Variants in STIM2 observed in about 807,000 individuals in gnomAD.
STIM2 encodes the protein stromal interaction molecule 2.
In STIM2, 31 loss-of-function variants were observed where a neutral mutation model predicts 85.8. The ratio of observed to expected loss-of-function variants is 0.36; its 90% confidence interval spans 0.27 to 0.49. The LOEUF is 0.49. Ranked by LOEUF, STIM2 falls within the 20% of genes least tolerant of loss-of-function variation. The pLI, the probability that STIM2 is intolerant of heterozygous loss-of-function variation, is 0.98. For missense variants in STIM2, 841 were observed against 927.6 expected, an observed-to-expected ratio of 0.91 and a Z score of 1.21; for synonymous variants, 356 against 331.1, an observed-to-expected ratio of 1.08 and a Z score of -0.82.
intron 3 of STIM2, among the ~76,000 whole-genome samples, chr4:26,986,729 G>C (rs900153015): frequency 1.3e-5 from 2 of 152,180 alleles, no homozygotes; most frequent in Admixed American, 1.3e-4. Flanking sequence ...GGATTCACCA[G>C]TGCTGCTTTA....
At chr4:26,933,018 A>G (rs1198192866) in intron 2 of STIM2, among the ~76,000 whole-genome samples, 1 of 152,196 alleles carries the variant, frequency 6.6e-6, no homozygotes, top group Non-Finnish European at 1.5e-5. Context: ...TAATGCTGGT[A>G]TGATCTGTGG....
chr4:26,931,417 G>A (rs1725201278), intron 2 of STIM2, among the ~76,000 whole-genome samples: 1 of 151,982 alleles, frequency 6.6e-6, no homozygotes, highest in Admixed American at 6.6e-5. Flanking sequence ...AATATTTGAT[G>A]GGAGATTCTC....
chr4:26,920,175 C>T (rs1413094201), intron 2 of STIM2, among the ~76,000 whole-genome samples: 2 of 152,128 alleles, frequency 1.3e-5, no homozygotes, highest in Non-Finnish European at 2.9e-5. Context: ...TATTACAGCA[C>T]GGCAGCTAGT....
intron 7 of STIM2, among the ~76,000 whole-genome samples, chr4:27,004,939 T>TTTA (rs1425168805): frequency 6.6e-6 from 1 of 152,236 alleles, no homozygotes; most frequent in African/African-American, 2.4e-5. Context: ...GGTATTATCT[T>TTTA]CATTTACAAA....
At chr4:26,966,852 A>G (rs761914962) in intron 3 of STIM2, among the ~76,000 whole-genome samples, 2 of 152,170 alleles carry the variant, frequency 1.3e-5, no homozygotes, top group Non-Finnish European at 2.9e-5. Context: ...AGAATAGAAC[A>G]AATAAAGCTT....
chr4:26,918,647 C>A (rs544135000), intron 1 of STIM2, among the ~76,000 whole-genome samples: 5 of 152,292 alleles, frequency 3.3e-5, no homozygotes, highest in African/African-American at 1.2e-4. Flanking sequence ...GTCCGCCAGT[C>A]AGCCAGACTG....
At chr4:27,011,088 A>C (rs114956606) in intron 10 of STIM2, among the ~76,000 whole-genome samples, 2,047 of 152,316 alleles carry the variant, frequency 0.013, 22 homozygotes, top group Non-Finnish European at 0.023. Context: ...AACTATTACA[A>C]ATACACTTAA....
At chr4:26,945,548 C>T (rs974831522) in intron 2 of STIM2, among the ~76,000 whole-genome samples, 5 of 152,192 alleles carry the variant, frequency 3.3e-5, no homozygotes, top group Non-Finnish European at 5.9e-5. Flanking sequence ...AATGGTTGAA[C>T]TAATTTACAC....
At chr4:26,916,570 A>T (rs1217292611) in intron 1 of STIM2, among the ~76,000 whole-genome samples, 1 of 152,186 alleles carries the variant, frequency 6.6e-6, no homozygotes, top group Non-Finnish European at 1.5e-5. Flanking sequence ...GAAATCCATT[A>T]ATAGCTTCTC....
chr4:26,895,000 C>T (rs1185151721), intron 1 of STIM2, among the ~76,000 whole-genome samples: 1 of 152,142 alleles, frequency 6.6e-6, no homozygotes, highest in Non-Finnish European at 1.5e-5. Flanking sequence ...TCACCTGAGG[C>T]CAGGAATTTG....
At chr4:27,022,431 A>C in intron 11 of STIM2, 88 bp from the exon 12 acceptor site, 1 of 1,085,202 alleles carries the variant, frequency 9.2e-7, no homozygotes, top group Non-Finnish European at 1.3e-6. Context: ...TTCAAAAAGC[A>C]ATGAAAGTTG....
intron 3 of STIM2, among the ~76,000 whole-genome samples, chr4:26,992,549 G>T (rs1727804377): frequency 6.6e-6 from 1 of 151,966 alleles, no homozygotes; most frequent in African/African-American, 2.4e-5. Flanking sequence ...GAAAAAAAAG[G>T]TTATATAGTA....
chr4:26,970,627 C>T (rs1726910476), intron 3 of STIM2, among the ~76,000 whole-genome samples: 1 of 152,154 alleles, frequency 6.6e-6, no homozygotes, highest in Admixed American at 6.5e-5. Flanking sequence ...GCCACATTTT[C>T]TTAATTCAGT....
chr4:27,020,807 C>G lies in STIM2; in HGVS notation c.1764-1712C>G, dbSNP rs76196360. Among the ~76,000 whole-genome samples, 4 of 152,246 alleles carry G rather than the reference C, an allele frequency of 2.6e-5. No individual in the cohort carries two copies. In the East Asian group the frequency reaches 7.7e-4, roughly 29 times the overall value. ...TCCTTGCTATGAGAGGTGCATTTGC[C>G]TATAACATGAGCTGCCAAGACAAGT... On this transcript the variant is annotated intron_variant, in intron 11 of 11. Coordinates refer to ENST00000467087, the MANE Select transcript of STIM2 (RefSeq NM_020860.4).
intron 3 of STIM2, among the ~76,000 whole-genome samples, chr4:26,986,230 G>C (rs774158650): frequency 3.3e-5 from 5 of 152,178 alleles, no homozygotes; most frequent in Non-Finnish European, 7.4e-5. Context: ...GCATGTAGCA[G>C]AGTTTCTGGA....
intron 1 of STIM2, among the ~76,000 whole-genome samples, chr4:26,914,251 T>C (rs1724450484): frequency 6.6e-6 from 1 of 152,226 alleles, no homozygotes; most frequent in Admixed American, 6.5e-5. Flanking sequence ...AAGTGAAATG[T>C]GTAACACTTA....
At chr4:26,910,730 A>G (rs902625486) in intron 1 of STIM2, among the ~76,000 whole-genome samples, 1 of 152,188 alleles carries the variant, frequency 6.6e-6, no homozygotes. Flanking sequence ...TTGCATATTA[A>G]TAAGACAGTT....
chr4:27,008,033 G>T, intron 8 of STIM2: 1 of 715,334 alleles, frequency 1.4e-6, no homozygotes, highest in South Asian at 1.5e-5. Context: ...AATTAACTTT[G>T]ACACTTAAAT....
Position 27,023,875 on chromosome 4 carries a change from A to G in STIM2, c.*879A>G, listed in dbSNP as rs10263. The G allele has an allele frequency of 0.1, 15,491 of 152,668 alleles. 971 individuals are homozygous for G. Among genetic ancestry groups the G allele is most frequent in the East Asian group, 0.33 (1,710 of 5,168 alleles). The allele number at this position is 152,668 out of a possible 1,614,324, so 9.5% of individuals were successfully genotyped here. On this transcript the variant is annotated 3_prime_UTR_variant, in exon 12 of 12. Transcript: ENST00000467087. ...GTGGGGGGATATGGGGATTCAGGCA[A>G]TTGTTTACACACTTTGAATAACTGC...
Sources: allele counts gnomAD v4.1 joint callset (sites outside exome capture counted in the v4.1 genomes callset), GRCh38; gene constraint gnomAD v4.1.1; transcripts MANE v1.5; gene names NCBI Gene and HGNC (gene_info 2026-07-23, HGNC 2026-07-21).